Variants in FYN observed in about 807,000 individuals in gnomAD.
FYN encodes the protein tyrosine-protein kinase Fyn.
In FYN, 10 loss-of-function variants were observed where a neutral mutation model predicts 70.2. The ratio of observed to expected loss-of-function variants is 0.14; its 90% CI spans 0.09 to 0.24. The LOEUF (loss-of-function observed/expected upper bound fraction) is 0.24, where lower values mean the gene tolerates loss of function less well. FYN is among the 10% of genes least tolerant of loss of function. FYN has a pLI of 1.00. For synonymous variants in FYN, 236 were observed against 248.6 expected (o/e 0.95, Z 0.48); for missense variants, 319 against 673.1 (o/e 0.47, Z 5.82).
At chr6:111,869,397 GTTTTTC>G (rs1774206549) in intron 1 of FYN, among the ~76,000 whole-genome samples, 1 of 152,168 alleles carries the variant, frequency 6.6e-6, no homozygotes, top group Admixed American at 6.5e-5. Flanking sequence ...TGTGATTTCT[GTTTTTC>G]TTTTTGAGAT....
At chr6:111,689,351 C>T (rs185302573) in intron 12 of FYN, among the ~76,000 whole-genome samples, 6 of 152,324 alleles carry the variant, frequency 3.9e-5, no homozygotes, top group Admixed American at 1.3e-4. Context: ...GCAAATGACA[C>T]ACTAAGTGTG....
intron 3 of FYN, chr6:111,759,943 G>C (rs1049456524): frequency 1.3e-5 from 2 of 151,810 alleles, no homozygotes; most frequent in African/African-American, 4.8e-5. Flanking sequence ...GGCGTAAAAA[G>C]ATAAGGCAAA....
intron 3 of FYN, among the ~76,000 whole-genome samples, chr6:111,739,752 C>G (rs1053962193): frequency 1.8e-4 from 28 of 152,296 alleles, no homozygotes; most frequent in African/African-American, 6.7e-4. Flanking sequence ...ATTCTGGTTT[C>G]TTCCCTGTAA....
In FYN at chr6:111,670,411, T is replaced by C; in HGVS notation, c.1405+4088A>G. ...CCTCTCTCCCCTTCCCTGTTTTATT[T>C]TTCTCCCTAGCTGTTACCAGCAGCA... On this transcript the variant is annotated intron_variant, in intron 13 of 13. Coordinates refer to ENST00000354650, the MANE Select transcript of FYN (RefSeq NM_002037.5). Among the ~76,000 whole-genome samples, 2 of 152,220 alleles carry C rather than the reference T, an allele frequency of 1.3e-5. 1 individual carries two copies. The highest frequency in any genetic ancestry group is 2.9e-5 in the Non-Finnish European group (2 of 68,040).
intron 3 of FYN, among the ~76,000 whole-genome samples, chr6:111,744,558 T>C (rs774291275): frequency 1.3e-5 from 2 of 152,206 alleles, no homozygotes; most frequent in Non-Finnish European, 2.9e-5. Flanking sequence ...TCCTGGGAAC[T>C]TGTTCTTTGG....
chr6:111,817,610 G>A (rs1199663208), intron 2 of FYN, among the ~76,000 whole-genome samples: 1 of 152,058 alleles, frequency 6.6e-6, no homozygotes, highest in African/African-American at 2.4e-5. Context: ...AAACCCTCAT[G>A]GCCCAAGGAT....
intron 2 of FYN, among the ~76,000 whole-genome samples, chr6:111,783,773 T>C (rs975960725): frequency 1.6e-4 from 24 of 152,234 alleles, no homozygotes; most frequent in African/African-American, 4.6e-4. Context: ...CATGGGCACA[T>C]GGCAGCACGC....
intron 1 of FYN, among the ~76,000 whole-genome samples, chr6:111,866,533 G>A (rs1273257651): frequency 2.0e-5 from 3 of 152,218 alleles, no homozygotes; most frequent in African/African-American, 7.2e-5. Flanking sequence ...GTAGAGACAA[G>A]GTTTCGCCGT....
intron 3 of FYN, among the ~76,000 whole-genome samples, chr6:111,737,623 G>A (rs754871884): frequency 6.6e-6 from 1 of 152,184 alleles, no homozygotes; most frequent in Non-Finnish European, 1.5e-5. Flanking sequence ...TCCAAACTCT[G>A]TCCTCTTGAC....
intron 2 of FYN, among the ~76,000 whole-genome samples, chr6:111,814,578 T>C (rs1320848220): frequency 1.3e-5 from 2 of 152,122 alleles, no homozygotes; most frequent in African/African-American, 4.8e-5. Flanking sequence ...ATACATAGTA[T>C]AGAATAATAT....
Position 111,803,946 on chromosome 6 carries a change from G to A in FYN, c.-81-23311C>T, listed in dbSNP as rs140022019. 1.6e-3 allele frequency among the ~76,000 whole-genome samples: 236 copies of A among 152,236 alleles called. 1 individual carries two copies. Among genetic ancestry groups the A allele is most frequent in the Middle Eastern group, 3.4e-3 (1 of 294 alleles). On this transcript the variant is annotated intron_variant, in intron 2 of 13. Coordinates refer to ENST00000354650, the MANE Select transcript of FYN (RefSeq NM_002037.5). ...GTTAGGAATGGAGCAAACCACATGA[G>A]AAGAGAACAGGAAAAGCTTCTTCTC...
intron 2 of FYN, among the ~76,000 whole-genome samples, chr6:111,811,833 T>C (rs973632359): frequency 2.0e-5 from 3 of 152,020 alleles, no homozygotes; most frequent in African/African-American, 7.3e-5. Flanking sequence ...TTATATAGAT[T>C]AGACGTGGGC....
chr6:111,715,916 T>C (rs1191613168), intron 4 of FYN, among the ~76,000 whole-genome samples: 1 of 152,246 alleles, frequency 6.6e-6, no homozygotes, highest in African/African-American at 2.4e-5. Flanking sequence ...TGCCACACTT[T>C]ATGTCATCAC....
chr6:111,775,944 T>C (rs1366937474), intron 3 of FYN, among the ~76,000 whole-genome samples: 1 of 152,204 alleles, frequency 6.6e-6, no homozygotes, highest in South Asian at 2.1e-4. Context: ...ACTCAGAATT[T>C]AGGTAAAAGC....
At position 111,665,288 on chromosome 6, in the gene FYN, C is replaced by T. The variant is rs1797941854; in HGVS notation, c.1406-3341G>A. On this transcript the variant is annotated intron_variant, in intron 13 of 13. Transcript: ENST00000354650. ...TATTTTTGGATTAGGGATACTTAACCTGTATTTAAAATACAGTATTCTCAG... is the reference window on the plus strand; with the variant it reads ...TATTTTTGGATTAGGGATACTTAACTTGTATTTAAAATACAGTATTCTCAG... Among the ~76,000 whole-genome samples, 3 of 151,994 alleles carry T rather than the reference C, an allele frequency of 2.0e-5. No homozygotes were observed. The South Asian group carries it at 6.2e-4, about 32-fold the overall frequency.
chr6:111,743,706 G>A (rs147098404), intron 3 of FYN, among the ~76,000 whole-genome samples: 2 of 152,274 alleles, frequency 1.3e-5, no homozygotes, highest in African/African-American at 2.4e-5. Context: ...CCCAGAGATC[G>A]GTACCAGCAC....
chr6:111,766,565 G>A (rs2012071), intron 3 of FYN, among the ~76,000 whole-genome samples: 85,098 of 152,052 alleles, frequency 0.56, 25,088 homozygotes, highest in East Asian at 0.86. Context: ...TGGATAATTT[G>A]TGAAGGACAG....
At chr6:111,870,162 C>T (rs952316008) in intron 1 of FYN, among the ~76,000 whole-genome samples, 1 of 152,140 alleles carries the variant, frequency 6.6e-6, no homozygotes, top group Non-Finnish European at 1.5e-5. Context: ...ATAACTAGCC[C>T]TCAAGTAAAG....
chr6:111,700,591 C>T (rs1328869897), intron 8 of FYN, among the ~76,000 whole-genome samples: 1 of 152,322 alleles, frequency 6.6e-6, no homozygotes, highest in South Asian at 2.1e-4. Context: ...TAGACATACA[C>T]GCAGACTGCT....
Sources: gnomAD v4.1 joint callset for allele counts (sites outside exome capture counted in the v4.1 genomes callset) on GRCh38, gnomAD v4.1.1 for gene constraint, MANE v1.5 for transcripts, NCBI Gene and HGNC (gene_info 2026-07-23, HGNC 2026-07-21) for gene names.